Variants in MYO9B observed in about 807,000 individuals in gnomAD.
MYO9B encodes the protein unconventional myosin-IXb.
A neutral mutation model predicts 229.5 loss-of-function variants in MYO9B; 71 were observed. That is an observed-to-expected ratio of 0.31 (90% CI 0.26 to 0.38). The LOEUF (loss-of-function observed/expected upper bound fraction) is 0.38, where lower values mean the gene tolerates loss of function less well. Among genes scored for constraint, MYO9B ranks in the 10% least tolerant of loss-of-function variants. The pLI is 1.00. For synonymous variants in MYO9B, 1,185 were observed against 1,235.8 expected, an observed-to-expected ratio of 0.96 and a Z score of 0.86; for missense variants, 2,255 against 2,920.5, an observed-to-expected ratio of 0.77 and a Z score of 5.25.
chr19:17,203,707 TC>T (rs1219728800), intron 30 of MYO9B, among the ~76,000 whole-genome samples: 1 of 150,720 alleles, frequency 6.6e-6, no homozygotes, highest in Non-Finnish European at 1.5e-5. Context: ...CCTCAAACCG[TC>T]CACCATCACC....
intron 2 of MYO9B, among the ~76,000 whole-genome samples, chr19:17,104,822 C>G (rs1369401440): frequency 6.6e-6 from 1 of 152,070 alleles, no homozygotes; most frequent in Non-Finnish European, 1.5e-5. Context: ...TTCCCATGTA[C>G]CCCTCCCACG....
chr19:17,125,307 C>A (rs973710169), intron 2 of MYO9B, among the ~76,000 whole-genome samples: 3 of 138,680 alleles, frequency 2.2e-5, no homozygotes, highest in Non-Finnish European at 3.1e-5. Context: ...TCCCCCCCCC[C>A]CCAAAAAAAG....
intron 14 of MYO9B, chr19:17,178,531 T>G (rs1461290521): frequency 3.3e-5 from 5 of 152,036 alleles, no homozygotes; most frequent in Admixed American, 1.3e-4. Flanking sequence ...AGTTCTGAGT[T>G]CTGTCAAAAA....
At chr19:17,136,044 A>G (rs1174102085) in intron 2 of MYO9B, among the ~76,000 whole-genome samples, 5 of 126,244 alleles carry the variant, frequency 4.0e-5, no homozygotes, top group Non-Finnish European at 6.5e-5. Flanking sequence ...GAGGACAGGC[A>G]TCCCTTTGCC....
chr19:17,205,477 C>A, intron 31 of MYO9B, 141 bp downstream of exon 31: 1 of 749,758 alleles, frequency 1.3e-6, no homozygotes, highest in Non-Finnish European at 2.2e-6. Flanking sequence ...TTCTGCAGAA[C>A]ACACCATTGT....
At chr19:17,104,613 T>TG (rs1162484226) in intron 2 of MYO9B, among the ~76,000 whole-genome samples, 1 of 152,034 alleles carries the variant, frequency 6.6e-6, no homozygotes, top group African/African-American at 2.4e-5. Context: ...TTTGTAGAGA[T>TG]GGGGGTCTCA....
chr19:17,120,638 CAAAAAAA>C (rs59262657), intron 2 of MYO9B, among the ~76,000 whole-genome samples: 47 of 86,982 alleles, frequency 5.4e-4, no homozygotes, highest in African/African-American at 2.0e-3. Flanking sequence ...GACTCTGTCT[CAAAAAAA>C]AAAAAAAAAA....
intron 3 of MYO9B, among the ~76,000 whole-genome samples, chr19:17,147,479 G>T (rs1241319035): frequency 7.1e-6 from 1 of 141,540 alleles, no homozygotes; most frequent in Admixed American, 7.3e-5. Context: ...AGGAGGCGGA[G>T]ATTGCAGTGA....
At chr19:17,186,783 T>C (rs1568291941) in intron 18 of MYO9B, among the ~76,000 whole-genome samples, 1 of 152,096 alleles carries the variant, frequency 6.6e-6, no homozygotes, top group Non-Finnish European at 1.5e-5. Flanking sequence ...CAGGCTGGAG[T>C]ACAGTGGTGC....
intron 2 of MYO9B, among the ~76,000 whole-genome samples, chr19:17,144,082 G>A (rs1195562817): frequency 1.3e-5 from 2 of 152,072 alleles, no homozygotes; most frequent in African/African-American, 4.8e-5. Context: ...TAGGCATGGT[G>A]GTGCATGCCT....
Position 17,101,507 on chromosome 19 carries a change from G to A in MYO9B, c.-58-153G>A, listed in dbSNP as rs752793322. ...GACAGACAGACCCTCACGGGATGTC[G>A]TGACTGGTTGCCTCTGGCTTTTTGG... On this transcript the variant is annotated intron_variant, in intron 1 of 39. Transcript: ENST00000682292. This position sits in a 1 kb window ranked among gnomAD's most constrained non-coding sequence, Gnocchi z 4.7. The A allele has an allele frequency of 1.5e-5, 10 of 672,758 alleles. No homozygotes were observed. Among genetic ancestry groups the A allele is most frequent in the East Asian group, 5.7e-5 (2 of 35,260 alleles). 41.7% of individuals were successfully genotyped at this position (672,758 alleles called of 1,614,324 possible).
At chr19:17,190,916 A>T (rs2145441428) in intron 19 of MYO9B, among the ~76,000 whole-genome samples, 181 bp from the exon 20 acceptor site, 1 of 152,238 alleles carries the variant, frequency 6.6e-6, no homozygotes, top group East Asian at 1.9e-4. Flanking sequence ...AAGTGCTGGG[A>T]GTACAGGTGT....
intron 16 of MYO9B, among the ~76,000 whole-genome samples, chr19:17,184,306 A>G (rs1373209430): frequency 6.6e-6 from 1 of 152,222 alleles, no homozygotes; most frequent in Non-Finnish European, 1.5e-5. Flanking sequence ...TCCAGACAGG[A>G]CAGAGAACCT....
intron 10 of MYO9B, among the ~76,000 whole-genome samples, chr19:17,167,582 C>T (rs1296273655): frequency 6.6e-6 from 1 of 150,490 alleles, no homozygotes. Context: ...CGTGTTCAAG[C>T]GATTTTCCTG....
intron 7 of MYO9B, chr19:17,157,312 T>C (rs1599377851): frequency 2.9e-6 from 1 of 341,768 alleles, no homozygotes; most frequent in Non-Finnish European, 5.4e-6. Flanking sequence ...CCCAGTACTT[T>C]GGGAGGCCAA....
chr19:17,170,647 CAAA>C (rs55894910), intron 11 of MYO9B, among the ~76,000 whole-genome samples: 1 of 88,866 alleles, frequency 1.1e-5, no homozygotes, highest in Non-Finnish European at 2.2e-5. Context: ...CCCATCTCTA[CAAA>C]AAAAAAAAAA....
At chr19:17,128,307 C>T (rs1294570141) in intron 2 of MYO9B, among the ~76,000 whole-genome samples, 1 of 152,084 alleles carries the variant, frequency 6.6e-6, no homozygotes, top group Non-Finnish European at 1.5e-5. Flanking sequence ...GGGAGGATCG[C>T]TTAAGCCCAG....
At chr19:17,185,077 G>A in intron 17 of MYO9B, 90 bp downstream of exon 17, 3 of 1,579,266 alleles carry the variant, frequency 1.9e-6, no homozygotes, top group Non-Finnish European at 2.6e-6. Context: ...CCCGTCTCTA[G>A]TAAAAATACA....
chr19:17,169,800 TC>T (rs2072701289), intron 11 of MYO9B, among the ~76,000 whole-genome samples: 7 of 114,264 alleles, frequency 6.1e-5, no homozygotes, highest in African/African-American at 2.6e-4. Flanking sequence ...TCCTGTCTCC[TC>T]CTTTTTTTTT....
Sources: allele counts gnomAD v4.1 joint callset (sites outside exome capture counted in the v4.1 genomes callset), GRCh38; gene constraint gnomAD v4.1.1; non-coding constraint Gnocchi (gnomAD v3.1); transcripts MANE v1.5; gene names NCBI Gene and HGNC (gene_info 2026-07-23, HGNC 2026-07-21).